The following GPAT3 variants were observed in gnomAD, a reference collection of about 807,000 sequenced individuals.
The protein encoded by GPAT3 is 1-AGP acyltransferase 9.
Under a neutral mutation model 58.8 loss-of-function variants are expected in GPAT3, and 53 were observed. The observed-to-expected ratio is 0.90, with a 90% CI of 0.72 to 1.13. The LOEUF is 1.13. Ranked by LOEUF, GPAT3 falls within the 50% of genes most tolerant of loss-of-function variation. GPAT3 has a pLI of 0.00. For missense variants in GPAT3, 511 were observed against 527.6 expected (o/e 0.97, Z 0.31); for synonymous variants, 197 against 187.4 (o/e 1.05, Z -0.42).
intron 2 of GPAT3, among the ~76,000 whole-genome samples, chr4:83,548,143 A>G (rs893790978): frequency 6.6e-6 from 1 of 152,240 alleles, no homozygotes; most frequent in African/African-American, 2.4e-5. Flanking sequence ...CAGAAGTGCT[A>G]GAGCCACAGC....
intron 11 of GPAT3, 142 bp downstream of exon 11, chr4:83,598,865 C>T (rs755396720): frequency 1.2e-5 from 7 of 606,710 alleles, no homozygotes; most frequent in South Asian, 2.6e-5. Flanking sequence ...TCATAGTTCA[C>T]TGTAGCCTTG....
chr4:83,540,343 T>G (rs1724254194), intron 1 of GPAT3, among the ~76,000 whole-genome samples: 1 of 152,174 alleles, frequency 6.6e-6, no homozygotes, highest in South Asian at 2.1e-4. Flanking sequence ...TTTTGTACTT[T>G]AGGACCATTT....
chr4:83,583,699 G>GAAAAAAAAAAAAA (rs1726256194), intron 3 of GPAT3, among the ~76,000 whole-genome samples: 1 of 81,406 alleles, frequency 1.2e-5, no homozygotes, highest in African/African-American at 5.7e-5. Context: ...AAAAAAAAAT[G>GAAAAAAAAAAAAA]AAGCTGGGCC....
intron 2 of GPAT3, among the ~76,000 whole-genome samples, chr4:83,562,194 TATATA>T (rs1437243531): frequency 7.9e-4 from 38 of 48,146 alleles, no homozygotes; most frequent in African/African-American, 2.8e-3. Context: ...TATATATATA[TATATA>T]ATATATATAT....
intron 1 of GPAT3, among the ~76,000 whole-genome samples, chr4:83,540,295 T>C (rs909524962): frequency 2.6e-5 from 4 of 152,190 alleles, no homozygotes; most frequent in African/African-American, 9.6e-5. Flanking sequence ...CTTTCAACTT[T>C]CCTTGGGGGG....
At chr4:83,597,660 C>T in intron 9 of GPAT3, 145 bp downstream of exon 9, 1 of 565,514 alleles carries the variant, frequency 1.8e-6, no homozygotes, top group Admixed American at 3.6e-5. Flanking sequence ...CTTTGCCTCC[C>T]CTGCTTTCTC....
intron 2 of GPAT3, among the ~76,000 whole-genome samples, chr4:83,579,122 CCTTCCTTT>C (rs1452207124): frequency 0.038 from 4,472 of 118,484 alleles, 709 homozygotes; most frequent in East Asian, 0.075. Context: ...TTCCTTCCTT[CCTTCCTTT>C]CTTTCTCCCT....
At chr4:83,601,347 C>G (rs1397028209) in intron 11 of GPAT3, among the ~76,000 whole-genome samples, 1 of 152,240 alleles carries the variant, frequency 6.6e-6, no homozygotes, top group African/African-American at 2.4e-5. Context: ...AAATATTTAT[C>G]CATTCACATA....
At chr4:83,573,296 G>T (rs778181914) in intron 2 of GPAT3, among the ~76,000 whole-genome samples, 1 of 151,970 alleles carries the variant, frequency 6.6e-6, no homozygotes, top group Non-Finnish European at 1.5e-5. Flanking sequence ...TTGCCACTAT[G>T]CCTGGCTAAT....
At chr4:83,590,581 C>A (rs181862020) in intron 6 of GPAT3, among the ~76,000 whole-genome samples, 49 of 152,264 alleles carry the variant, frequency 3.2e-4, no homozygotes, top group Non-Finnish European at 7.4e-5. Context: ...TTGTAAAATC[C>A]CTGCCAGTGT....
At chr4:83,560,547 GGGATACTTT>G (rs1224963853) in intron 2 of GPAT3, among the ~76,000 whole-genome samples, 1 of 152,152 alleles carries the variant, frequency 6.6e-6, no homozygotes, top group Non-Finnish European at 1.5e-5. Flanking sequence ...TTTTGTGGGT[GGGATACTTT>G]GGCCCCTTTA....
chr4:83,573,565 C>T (rs190671781), intron 2 of GPAT3, among the ~76,000 whole-genome samples: 82 of 152,312 alleles, frequency 5.4e-4, no homozygotes, highest in African/African-American at 1.8e-3. Context: ...CCAATGTATA[C>T]ATACAGTTGG....
chr4:83,564,589 C>T (rs1725314234), intron 2 of GPAT3, among the ~76,000 whole-genome samples: 1 of 151,992 alleles, frequency 6.6e-6, no homozygotes, highest in African/African-American at 2.4e-5. Context: ...GTCCCGGCTA[C>T]TTGGCAAGCT....
chr4:83,594,228 T>C (rs1560630527), intron 6 of GPAT3, among the ~76,000 whole-genome samples: 1 of 152,246 alleles, frequency 6.6e-6, no homozygotes, highest in Non-Finnish European at 1.5e-5. Flanking sequence ...TACCATTATC[T>C]ATTTATCTAA....
chr4:83,546,229 C>T (rs1469677131), intron 2 of GPAT3, among the ~76,000 whole-genome samples: 1 of 152,170 alleles, frequency 6.6e-6, no homozygotes, highest in Non-Finnish European at 1.5e-5. Flanking sequence ...AAGCGATCCT[C>T]CCACCTCGGC....
chr4:83,537,019 T>C (rs1164509483), intron 1 of GPAT3, among the ~76,000 whole-genome samples: 1 of 152,166 alleles, frequency 6.6e-6, no homozygotes, highest in Non-Finnish European at 1.5e-5. Flanking sequence ...ATCATTCCAC[T>C]CCCTGAGCAT....
chr4:83,598,358 C>G (rs995922244), intron 10 of GPAT3, among the ~76,000 whole-genome samples, 179 bp downstream of exon 10: 4 of 152,014 alleles, frequency 2.6e-5, no homozygotes, highest in Non-Finnish European at 4.4e-5. Flanking sequence ...AGATTATTTT[C>G]CACGATGGTT....
At chr4:83,555,751 T>A (rs1297087584) in intron 2 of GPAT3, among the ~76,000 whole-genome samples, 1 of 152,216 alleles carries the variant, frequency 6.6e-6, no homozygotes, top group African/African-American at 2.4e-5. Flanking sequence ...GGCTTGGACT[T>A]GCAATTGGCA....
In GPAT3 at chr4:83,577,788, C is replaced by CTTTTTT. The variant is rs1185047521; in HGVS notation, c.209-3753_209-3748dup. Among the ~76,000 whole-genome samples the CTTTTTT allele has an allele frequency of 1.3e-4, 9 of 66,690 alleles. 1 individual carries two copies. The highest frequency in any genetic ancestry group is 5.7e-4 in the South Asian group (1 of 1,754). The allele number at this position is 66,690 out of a possible 152,430, so 43.8% of individuals were successfully genotyped here. A position where few individuals can be genotyped will look rare whatever the true frequency, so the allele number is the denominator to read the frequency against. ...GGTATGAAGGAGTATGTCATTGTGG[C>CTTTTTT]TTTTTTTTTTTTTTTTTTTTTTTTT... On this transcript the variant is annotated intron_variant, in intron 2 of 11. Coordinates refer to ENST00000264409, the MANE Select transcript of GPAT3 (RefSeq NM_032717.5).
Sources: allele counts gnomAD v4.1 joint callset (sites outside exome capture counted in the v4.1 genomes callset), GRCh38; gene constraint gnomAD v4.1.1; transcripts MANE v1.5; gene names NCBI Gene and HGNC (gene_info 2026-07-23, HGNC 2026-07-21).